ITGB7: variants seen among roughly 807,000 people sequenced by gnomAD.
ITGB7 encodes integrin subunit beta 7.
In ITGB7, 55 loss-of-function variants were observed where a neutral mutation model predicts 83.4. That is an observed-to-expected ratio of 0.66 (90% CI 0.53 to 0.83). ITGB7 has a LOEUF of 0.83. ITGB7 is among the 40% of genes least tolerant of loss of function. The probability of loss-of-function intolerance (pLI) is 0.00; values close to 1 mark genes in which losing one functional copy is unlikely to be tolerated. For missense variants in ITGB7, 921 were observed against 1,046.7 expected (o/e 0.88, Z 1.66); for synonymous variants, 454 against 423.6 (o/e 1.07, Z -0.88).
In ITGB7 at chr12:53,195,645, G is replaced by C. The variant is rs1565702461; in HGVS notation, c.1052C>G (p.Ala351Gly). 1.9e-6 allele frequency: 3 copies of C among 1,613,994 alleles called. No individual in the cohort carries two copies. The highest frequency in any genetic ancestry group is 2.5e-6 in the Non-Finnish European group (3 of 1,179,872). ...TCTCACCTGGTAGACAGGCAGTGCGGCACTGGTGACAGCAAAGATGGGCTG... is the reference window on the plus strand; with the variant it reads ...TCTCACCTGGTAGACAGGCAGTGCGCCACTGGTGACAGCAAAGATGGGCTG... ...NIQPIFAVTS[A>G]ALPVYQELSK... Residue 351 changes from alanine to glycine, a missense_variant, in exon 8 of 16, where the codon GCC becomes GGC. Coordinates refer to ENST00000267082, the MANE Select transcript of ITGB7 (RefSeq NM_000889.3).
At chr12:53,200,810 T>C (rs1191907819) in intron 2 of ITGB7, among the ~76,000 whole-genome samples, 2 of 151,760 alleles carry the variant, frequency 1.3e-5, no homozygotes, top group Non-Finnish European at 2.9e-5. Context: ...GCACCTGTAA[T>C]CCCAGTTACT....
Position 53,197,926 on chromosome 12 carries a change from T to A in ITGB7, c.227A>T (p.Glu76Val). ...CTCTCGTCGGGCGCAGCGCCGCGCC[T>A]CCGCCTCTCCCGACGCGGTGAAGTT... ...QLNFTASGEA[E>V]ARRCARREEL... The change falls in exon 4 of 16, where the codon GAG becomes GTG. Residue 76 changes from glutamate to valine, a missense_variant. Physicochemically the swap from Glu to Val is moderately radical, Grantham distance 121. Coordinates refer to ENST00000267082, the MANE Select transcript of ITGB7 (RefSeq NM_000889.3). 6.5e-7 allele frequency: 1 copy of A among 1,542,734 alleles called. No homozygotes were observed. Among genetic ancestry groups the A allele is most frequent in the Non-Finnish European group, 8.7e-7 (1 of 1,152,018 alleles).
At chr12:53,205,226 C>T (rs569803440) in intron 1 of ITGB7, among the ~76,000 whole-genome samples, 58 of 152,206 alleles carry the variant, frequency 3.8e-4, no homozygotes, top group African/African-American at 1.3e-3. Flanking sequence ...TGCTCTGTCA[C>T]CCGGCTGTAG....
intron 9 of ITGB7, 30 bp downstream of exon 9, chr12:53,195,344 T>G: frequency 2.0e-6 from 3 of 1,503,038 alleles, no homozygotes; most frequent in African/African-American, 1.4e-5. Flanking sequence ...GTGCCCACCC[T>G]CACCATCTCC....
In ITGB7 at chr12:53,196,949, A is replaced by G. The variant is rs1227026170; in HGVS notation, c.575-129T>C. ...GAGAGGGTGCACCTAGGGGGCAGGG[A>G]CCTGGTAACTGGCAAGCAAAGCAGT... On this transcript the variant is annotated intron_variant, in intron 5 of 15. Transcript: ENST00000267082. 3.7e-6 allele frequency: 4 copies of G among 1,083,350 alleles called. No homozygotes were observed. The African/African-American group carries it at 4.7e-5, about 13-fold the overall frequency. 67.1% of individuals were successfully genotyped at this position (1,083,350 alleles called of 1,614,324 possible).
intron 12 of ITGB7, 84 bp from the exon 13 acceptor site, chr12:53,192,994 A>G (rs1413384266): frequency 2.8e-6 from 4 of 1,436,798 alleles, no homozygotes; most frequent in East Asian, 4.8e-5. Context: ...CCACGCATCC[A>G]ATCTTTTTGA....
At chr12:53,198,482 C>G (rs954510929) in intron 3 of ITGB7, among the ~76,000 whole-genome samples, 1 of 152,058 alleles carries the variant, frequency 6.6e-6, no homozygotes, top group African/African-American at 2.4e-5. Flanking sequence ...TTTCGAACTC[C>G]TGGCCCCAAG....
intron 1 of ITGB7, chr12:53,206,854 C>T (rs1942454227): frequency 6.6e-6 from 1 of 152,232 alleles, no homozygotes; most frequent in South Asian, 2.1e-4. Context: ...TTGGAAGAAC[C>T]CTCCCTCAGT....
At chr12:53,199,867 C>G (rs535420741) in intron 3 of ITGB7, among the ~76,000 whole-genome samples, 63 of 152,288 alleles carry the variant, frequency 4.1e-4, no homozygotes, top group Non-Finnish European at 6.5e-4. Context: ...TTTGTTATGG[C>G]AGCCCGCACT....
In ITGB7 at chr12:53,197,766, C is replaced by A; in HGVS notation, c.387G>T (p.Arg129=). 6.4e-7 allele frequency: 1 copy of A among 1,570,148 alleles called. No homozygotes were observed. The highest frequency in any genetic ancestry group is 1.2e-5 in the South Asian group (1 of 86,632). Residue 129 remains arginine (R), a synonymous_variant, in exon 4 of 16, where the codon CGG becomes CGT. Transcript: ENST00000267082. The stretch of plus-strand genomic sequence containing the variant: ...CTAACTCACCAGGCCGCAGCGTGAC[C>A]CGGACCCGCTGCGGCGCCAGCTGGG... ...GATQLAPQRV[R]VTLRPGEPQQ...
intron 1 of ITGB7, among the ~76,000 whole-genome samples, chr12:53,202,456 G>C (rs1423136514): frequency 6.6e-6 from 1 of 152,072 alleles, no homozygotes; most frequent in Non-Finnish European, 1.5e-5. Flanking sequence ...CCAGATTCAA[G>C]CAATTCTCTG....
intron 1 of ITGB7, among the ~76,000 whole-genome samples, chr12:53,205,712 G>A (rs1437492849): frequency 6.6e-6 from 1 of 152,128 alleles, no homozygotes; most frequent in Middle Eastern, 3.2e-3. Context: ...TATGAGAAAG[G>A]CCAACTAACT....
Position 53,193,697 on chromosome 12 carries a change from G to A in ITGB7, c.1502+11C>T, listed in dbSNP as rs1942054673. 6.3e-7 allele frequency: 1 copy of A among 1,595,516 alleles called. No homozygotes were observed. The highest frequency in any genetic ancestry group is 8.6e-7 in the Non-Finnish European group (1 of 1,169,516). ...GGAGCCAGGTGGTTGAAGGGAAGAG[G>A]AGGCCCTCACCTGCATACACCACAT... On this transcript the variant is annotated intron_variant, in intron 11 of 15. Transcript: ENST00000267082.
At chr12:53,201,555 A>T (rs970119116) in intron 1 of ITGB7, among the ~76,000 whole-genome samples, 1 of 152,176 alleles carries the variant, frequency 6.6e-6, no homozygotes, top group Non-Finnish European at 1.5e-5. Flanking sequence ...CAAATTCCTG[A>T]TTTTAAAAAA....
At position 53,195,400 on chromosome 12, in the gene ITGB7, C is replaced by T. The variant is rs750646694; in HGVS notation, c.1135G>A (p.Val379Ile). Residue 379 changes from valine (V) to isoleucine (I), a missense_variant, in exon 9 of 16, where the codon GTA (valine) becomes ATA (isoleucine). Coordinates refer to ENST00000267082, the MANE Select transcript of ITGB7 (RefSeq NM_000889.3). ...GELSEDSSNV[V>I]QLIMDAYNSL... ...TTATAAGCATCCATGATGAGCTGTA[C>T]CACGTTGCTGGAGTCCTCACTCAGC... 5.0e-6 allele frequency: 8 copies of T among 1,613,216 alleles called. No individual in the cohort carries two copies. Among genetic ancestry groups the T allele is most frequent in the Non-Finnish European group, 6.8e-6 (8 of 1,179,402 alleles).
At chr12:53,201,586 G>A (rs987906683) in intron 1 of ITGB7, among the ~76,000 whole-genome samples, 1 of 151,934 alleles carries the variant, frequency 6.6e-6, no homozygotes, top group African/African-American at 2.4e-5. Flanking sequence ...TTTTTAAAAT[G>A]AGCAGGTAAT....
intron 12 of ITGB7, 101 bp from the exon 13 acceptor site, chr12:53,193,011 C>T (rs537087322): frequency 1.8e-5 from 25 of 1,359,006 alleles, no homozygotes; most frequent in African/African-American, 4.3e-5. Context: ...TTGAAGTATG[C>T]CAACCACACC....
chr12:53,206,933 C>T (rs1942455678), intron 1 of ITGB7: 1 of 152,272 alleles, frequency 6.6e-6, no homozygotes, highest in Admixed American at 6.5e-5. Flanking sequence ...TGACAGCACT[C>T]ATATACATCC....
chr12:53,201,990 A>G (rs979577895), intron 1 of ITGB7, among the ~76,000 whole-genome samples: 8 of 152,232 alleles, frequency 5.3e-5, no homozygotes, highest in African/African-American at 1.9e-4. Context: ...GAGTCCAGAA[A>G]TAAACTATGC....
Sources: allele counts gnomAD v4.1 joint callset (sites outside exome capture counted in the v4.1 genomes callset), GRCh38; gene constraint gnomAD v4.1.1; transcripts MANE v1.5; gene names NCBI Gene and HGNC (gene_info 2026-07-23, HGNC 2026-07-21).